NUDC: variants seen among roughly 807,000 people sequenced by gnomAD.
The protein encoded by NUDC is nuclear distribution C, dynein complex regulator.
In NUDC, 14 loss-of-function variants were observed where a neutral mutation model predicts 45.0. The observed-to-expected ratio is 0.31, with a 90% confidence interval of 0.21 to 0.49. The LOEUF is 0.49. NUDC is among the 20% of genes least tolerant of loss of function. The pLI, the probability that NUDC is intolerant of heterozygous loss-of-function variation, is 0.99. For synonymous variants in NUDC, 153 were observed against 156.7 expected (o/e 0.98, Z 0.17); for missense variants, 323 against 426.2 (o/e 0.76, Z 2.13).
chr1:26,920,215 C>T (rs138521533), upstream of NUDC, among the ~76,000 whole-genome samples: 334 of 152,218 alleles, frequency 2.2e-3, no homozygotes, highest in African/African-American at 7.4e-3. Flanking sequence ...ACAGGCCGGG[C>T]GCAGTGGCTC....
chr1:26,941,353 A>G (rs1223833109), intron 2 of NUDC, 104 bp from the exon 3 acceptor site: 1 of 1,166,476 alleles, frequency 8.6e-7, no homozygotes, highest in Non-Finnish European at 1.3e-6. Context: ...TTCTGGGTGC[A>G]GTGCTTTGCC....
chr1:26,936,165 ATTTTTTTTTTTTTTTTTTTTT>A (rs869056480), intron 2 of NUDC, among the ~76,000 whole-genome samples: 1 of 10,502 alleles, frequency 9.5e-5, no homozygotes, highest in Admixed American at 2.1e-3. Context: ...ATATATATAT[ATTTTTTTTTTTTTTTTTTTTT>A]TTTTTTTTTT....
intron 2 of NUDC, among the ~76,000 whole-genome samples, chr1:26,903,164 C>G (rs1457335072): frequency 6.6e-6 from 1 of 152,064 alleles, no homozygotes; most frequent in South Asian, 2.1e-4. Context: ...AAAAAGCTGG[C>G]TTTTTGTACT....
At chr1:26,915,867 A>G (rs2082059371) in intron 3 of NUDC, among the ~76,000 whole-genome samples, 1 of 152,130 alleles carries the variant, frequency 6.6e-6, no homozygotes, top group South Asian at 2.1e-4. Context: ...AGTTCCTTTC[A>G]TGTTTTTAAA....
At chr1:26,906,399 G>A (rs1447213614) in intron 2 of NUDC, among the ~76,000 whole-genome samples, 1 of 152,072 alleles carries the variant, frequency 6.6e-6, no homozygotes, top group Non-Finnish European at 1.5e-5. Flanking sequence ...GCAGTGAGCC[G>A]AGATCGCACC....
intron 3 of NUDC, chr1:26,913,574 G>A (rs759106735): frequency 1.2e-6 from 2 of 1,614,038 alleles, no homozygotes; most frequent in South Asian, 1.1e-5. Context: ...GGCTCCTCCA[G>A]CAGAATCTTC....
At position 26,946,130 on chromosome 1, in the gene NUDC, G is replaced by A; in HGVS notation, c.945G>A (p.Lys315=). 1 of 1,613,966 alleles carries A rather than the reference G, an allele frequency of 6.2e-7. No homozygotes were observed. Among genetic ancestry groups the A allele is most frequent in the Non-Finnish European group, 8.5e-7 (1 of 1,179,888 alleles). ...TTTCATCTTGCTTCCGTTTCTCCAG[G>A]TTCATGGATCAACATCCGGAGATGG... ...DEQKKQEILK[K]FMDQHPEMDF... is the part of the protein sequence containing the mutation. The change falls in exon 9 of 9, where the codon AAG becomes AAA. Residue 315 remains lysine (K), a splice_region_variant and synonymous_variant. Transcript: ENST00000321265.
Position 26,904,359 on chromosome 1 carries a change from G to A in NUDC, c.-16+1993G>A, listed in dbSNP as rs530207629. ...TAATTTTTGTATTTTTAGTAGAGAC[G>A]GGGTTTCATCATGTTGACCAGGCTG... On this transcript the variant is annotated intron_variant, in intron 2 of 6. Coordinates refer to the NUDC transcript ENST00000435827. Among the ~76,000 whole-genome samples the A allele has an allele frequency of 3.3e-5, 5 of 151,688 alleles. No individual in the cohort carries two copies. The East Asian group carries it at 9.7e-4, about 29-fold the overall frequency.
Position 26,928,661 on chromosome 1 carries a change from C to T in NUDC, c.159+4495C>T, listed in dbSNP as rs142527210. On this transcript the variant is annotated intron_variant, in intron 2 of 8. Coordinates refer to ENST00000321265, the MANE Select transcript of NUDC (RefSeq NM_006600.4). The stretch of plus-strand genomic sequence containing the variant: ...TCAGTGAGCCGTGATTGTGTCACTA[C>T]GCTGCAGTCTTGGTGACAGAGCAGG... 1.2e-4 allele frequency among the ~76,000 whole-genome samples: 18 copies of T among 152,248 alleles called. No individual in the cohort carries two copies. In the East Asian group the frequency reaches 1.9e-3, roughly 16 times the overall value.
chr1:26,900,997 A>G (rs772356700), intron 1 of NUDC, among the ~76,000 whole-genome samples: 1 of 152,212 alleles, frequency 6.6e-6, no homozygotes, highest in Non-Finnish European at 1.5e-5. Context: ...CCCACTTTGC[A>G]TCCACTATGT....
intron 2 of NUDC, among the ~76,000 whole-genome samples, chr1:26,902,662 A>G (rs776502324): frequency 3.3e-5 from 5 of 151,850 alleles, no homozygotes; most frequent in Non-Finnish European, 7.4e-5. Context: ...AGGTCGGAGG[A>G]TCACTTGAGC....
rs2082293205 is a variant in NUDC at position 26,943,210 on chromosome 1, CTATTT to C, written c.741+152_741+156del. On this transcript the variant is annotated intron_variant, in intron 6 of 8. Coordinates refer to ENST00000321265, the MANE Select transcript of NUDC (RefSeq NM_006600.4). Reference sequence around the variant, plus strand: ...AACACTCTTTAAAGTAGATCTGTCTCTATTTTATTTTCTTAAAGACAAGGTCTCAC... The same window carrying C: ...AACACTCTTTAAAGTAGATCTGTCTCTATTTTCTTAAAGACAAGGTCTCAC... 4.4e-6 allele frequency: 4 copies of C among 913,464 alleles called. No individual in the cohort carries two copies. The Admixed American group carries it at 6.0e-5, about 14-fold the overall frequency. 56.6% of individuals were successfully genotyped at this position (913,464 alleles called of 1,614,324 possible). A position where few individuals can be genotyped will look rare whatever the true frequency, so the allele number is the denominator to read the frequency against.
intron 2 of NUDC, among the ~76,000 whole-genome samples, chr1:26,936,657 A>G (rs1233698090): frequency 6.6e-6 from 1 of 152,164 alleles, no homozygotes; most frequent in Non-Finnish European, 1.5e-5. Flanking sequence ...AAAAATTTTA[A>G]GATTTAAAAA....
intron 2 of NUDC, among the ~76,000 whole-genome samples, chr1:26,935,391 A>AT (rs377099074): frequency 1.1e-3 from 162 of 152,290 alleles, no homozygotes; most frequent in African/African-American, 3.6e-3. Flanking sequence ...AAGAGGTTTA[A>AT]TTGACTCATA....
chr1:26,929,811 G>A (rs2082165914), intron 2 of NUDC: 1 of 210,530 alleles, frequency 4.7e-6, no homozygotes, highest in East Asian at 1.3e-4. Context: ...ATCACCTGAG[G>A]TCAGGAGTTA....
chr1:26,906,672 A>T (rs1420304463), intron 2 of NUDC, among the ~76,000 whole-genome samples: 2 of 150,594 alleles, frequency 1.3e-5, no homozygotes, highest in Non-Finnish European at 3.0e-5. Flanking sequence ...ACATGGTGAA[A>T]CCCTGTCTCT....
At chr1:26,935,937 G>C (rs898695949) in intron 2 of NUDC, among the ~76,000 whole-genome samples, 5 of 150,098 alleles carry the variant, frequency 3.3e-5, no homozygotes, top group African/African-American at 1.2e-4. Flanking sequence ...AGACCAGCCT[G>C]GGTAATATAA....
At chr1:26,921,974 G>C in intron 1 of NUDC, 45 bp downstream of exon 1, 1 of 1,530,988 alleles carries the variant, frequency 6.5e-7, no homozygotes, top group East Asian at 2.5e-5. Flanking sequence ...CCTTGGCCAC[G>C]CTCCTTCCGC....
At chr1:26,924,640 G>A (rs952344906) in intron 2 of NUDC, among the ~76,000 whole-genome samples, 2 of 152,136 alleles carry the variant, frequency 1.3e-5, no homozygotes, top group African/African-American at 2.4e-5. Flanking sequence ...TGCAACTTTC[G>A]CCTCCTGGGT....
Sources: gnomAD v4.1 joint callset for allele counts (sites outside exome capture counted in the v4.1 genomes callset) on GRCh38, gnomAD v4.1.1 for gene constraint, MANE v1.5 for transcripts, NCBI Gene and HGNC (gene_info 2026-07-23, HGNC 2026-07-21) for gene names.